TBC1D30: variants seen among roughly 807,000 people sequenced by gnomAD.
The protein encoded by TBC1D30 is TBC1 domain family member 30.
TBC1D30 carries 31 observed loss-of-function variants against 63.2 expected under a neutral mutation model. The ratio of observed to expected loss-of-function variants is 0.49; its 90% CI spans 0.37 to 0.66. TBC1D30 has a LOEUF of 0.66. Among genes scored for constraint, TBC1D30 ranks in the 30% least tolerant of loss-of-function variants. TBC1D30 has a pLI of 0.00. For synonymous variants in TBC1D30, 307 were observed against 361.5 expected, an observed-to-expected ratio of 0.85 and a Z score of 1.71; for missense variants, 810 against 953.6, an observed-to-expected ratio of 0.85 and a Z score of 1.98.
At chr12:64,802,448 C>T (rs977423646) in intron 2 of TBC1D30, among the ~76,000 whole-genome samples, 21 of 152,094 alleles carry the variant, frequency 1.4e-4, no homozygotes, top group African/African-American at 4.8e-4. Context: ...GACGACTCTT[C>T]CTGCCCTGTT....
rs746992553 is a variant in TBC1D30, at chr12:64,836,645, C to G, written c.750C>G (p.Asn250Lys). The G allele has an allele frequency of 4.8e-5, 73 of 1,533,782 alleles. No individual in the cohort carries two copies. The Admixed American group carries it at 6.1e-4, about 13-fold the overall frequency. Reference protein sequence around the residue: ...QHLDTLQRTANKESGGGYEPP... With the variant: ...QHLDTLQRTAKKESGGGYEPP... Reference sequence around the variant, plus strand: ...TGGATACTCTTCAGAGAACTGCAAACAAAGAAAGTGGAGGTAGGTTTCAAT... The same window carrying G: ...TGGATACTCTTCAGAGAACTGCAAAGAAAGAAAGTGGAGGTAGGTTTCAAT... Residue 250 changes from asparagine to lysine, a missense_variant, in exon 6 of 12, where the codon AAC (asparagine) becomes AAG (lysine). Physicochemically the swap from Asn to Lys is moderately conservative, Grantham distance 94 (BLOSUM62 0). Around this residue, in one of 4 missense-constraint regions of TBC1D30, gnomAD observed 272 missense variants for 335.9 expected, o/e 0.81. Coordinates refer to ENST00000539867, the MANE Select transcript of TBC1D30 (RefSeq NM_015279.2).
chr12:64,775,859 AAATCAGTGACAT>A (rs1213461861), upstream of TBC1D30, among the ~76,000 whole-genome samples: 1 of 152,238 alleles, frequency 6.6e-6, no homozygotes, highest in African/African-American at 2.4e-5. Context: ...ACTTACTGTA[AAATCAGTGACAT>A]AATCAGAAGT....
intron 2 of TBC1D30, 86 bp downstream of exon 2, chr12:64,827,982 C>A: frequency 2.2e-6 from 2 of 913,850 alleles, no homozygotes; most frequent in Non-Finnish European, 3.3e-6. Flanking sequence ...ATAACGTATT[C>A]TTTGATATGA....
intron 2 of TBC1D30, among the ~76,000 whole-genome samples, chr12:64,816,657 C>A (rs1321285745): frequency 6.6e-6 from 1 of 152,200 alleles, no homozygotes; most frequent in Non-Finnish European, 1.5e-5. Context: ...GGGCTTGCAG[C>A]CTTTGCCTGA....
intron 2 of TBC1D30, among the ~76,000 whole-genome samples, chr12:64,801,972 C>T (rs1026634709): frequency 1.3e-5 from 2 of 151,512 alleles, no homozygotes; most frequent in Non-Finnish European, 2.9e-5. Context: ...TTTTTACTTT[C>T]AGTGGATTAT....
At position 64,838,825 on chromosome 12, in the gene TBC1D30, G is replaced by A. The variant is rs535898827; in HGVS notation, c.906G>A (p.Ser302=). The change falls in exon 7 of 12, where the codon TCG becomes TCA. Residue 302 remains serine, a synonymous_variant. Transcript: ENST00000539867. ...GTTCAGAAATCATCCTAAGGGTGTC[G>A]CTGGCTATCTGGGCAAAATTAGGAG... The part of the protein sequence containing the change: ...FEGSEIILRV[S]LAIWAKLGEQ... 1.6e-5 allele frequency: 24 copies of A among 1,535,910 alleles called. No homozygotes were observed. Among genetic ancestry groups the A allele is most frequent in the African/African-American group, 1.1e-4 (8 of 73,024 alleles).
At chr12:64,768,077 G>A (rs1401822238) in intron 1 of TBC1D30, among the ~76,000 whole-genome samples, 1 of 152,046 alleles carries the variant, frequency 6.6e-6, no homozygotes, top group Non-Finnish European at 1.5e-5. Context: ...TAACAGGCAG[G>A]GCTGACTACA....
upstream of TBC1D30, among the ~76,000 whole-genome samples, chr12:64,823,348 CAACTT>C (rs1403183971): frequency 1.3e-5 from 2 of 152,142 alleles, no homozygotes; most frequent in African/African-American, 2.4e-5. Context: ...TGTTCTATGT[CAACTT>C]AAGAGAGAAT....
At chr12:64,770,342 A>G (rs372162611) in intron 1 of TBC1D30, among the ~76,000 whole-genome samples, 83 of 152,094 alleles carry the variant, frequency 5.5e-4, no homozygotes, top group African/African-American at 1.9e-3. Context: ...TTTCTGTCCC[A>G]TCTCTCAAGC....
intron 2 of TBC1D30, among the ~76,000 whole-genome samples, chr12:64,790,567 C>T (rs1871860419): frequency 6.6e-6 from 1 of 151,916 alleles, no homozygotes; most frequent in Admixed American, 6.6e-5. Context: ...AAAACATGAA[C>T]AAAATGTGAA....
intron 1 of TBC1D30, among the ~76,000 whole-genome samples, chr12:64,773,163 C>T (rs1231821323): frequency 1.3e-5 from 2 of 152,202 alleles, no homozygotes; most frequent in Admixed American, 6.5e-5. Context: ...AGAGTCCAAA[C>T]CAACTGAGGG....
At chr12:64,828,675 C>G (rs1354813775) in intron 3 of TBC1D30, among the ~76,000 whole-genome samples, 166 bp downstream of exon 3, 1 of 152,072 alleles carries the variant, frequency 6.6e-6, no homozygotes, top group East Asian at 1.9e-4. Flanking sequence ...AAGTAATGTT[C>G]TAGGTTCTAG....
chr12:64,844,681 C>T (rs2136407063), intron 8 of TBC1D30, among the ~76,000 whole-genome samples: 1 of 152,324 alleles, frequency 6.6e-6, no homozygotes, highest in Middle Eastern at 3.4e-3. Context: ...ACTACTCTTC[C>T]CAGCCTCTGG....
intron 2 of TBC1D30, among the ~76,000 whole-genome samples, chr12:64,819,335 T>C (rs1392626973): frequency 1.3e-5 from 2 of 151,844 alleles, no homozygotes; most frequent in African/African-American, 2.4e-5. Context: ...TTCATCTCTG[T>C]CATGAGGGGG....
chr12:64,807,193 C>CGAT (rs1472831422), intron 2 of TBC1D30, among the ~76,000 whole-genome samples: 1 of 152,182 alleles, frequency 6.6e-6, no homozygotes, highest in East Asian at 1.9e-4. Flanking sequence ...TCACAAGATC[C>CGAT]GATGGCTTTA....
At chr12:64,794,310 C>T (rs1565644821) in intron 2 of TBC1D30, among the ~76,000 whole-genome samples, 1 of 152,270 alleles carries the variant, frequency 6.6e-6, no homozygotes, top group East Asian at 1.9e-4. Flanking sequence ...CAACTTTTGT[C>T]ATTCAGTTCT....
chr12:64,791,612 C>T (rs541106803), intron 2 of TBC1D30, among the ~76,000 whole-genome samples: 2 of 152,020 alleles, frequency 1.3e-5, no homozygotes, highest in East Asian at 3.9e-4. Flanking sequence ...CCTCCTGGGC[C>T]CAAGTGATTC....
At chr12:64,777,972 G>GC (rs1871131495), upstream of TBC1D30, among the ~76,000 whole-genome samples, 1 of 152,148 alleles carries the variant, frequency 6.6e-6, no homozygotes, top group Admixed American at 6.5e-5. Context: ...ATGTTGGCCA[G>GC]GCTGTTCTCA....
chr12:64,864,233 A>G (rs527787401), intron 8 of TBC1D30, among the ~76,000 whole-genome samples: 63 of 152,322 alleles, frequency 4.1e-4, no homozygotes, highest in African/African-American at 1.4e-3. Context: ...ACTAGATTTA[A>G]TTTTATCCAG....
Sources: allele counts gnomAD v4.1 joint callset (sites outside exome capture counted in the v4.1 genomes callset), GRCh38; gene constraint gnomAD v4.1.1; regional missense constraint gnomAD v4.1.1; transcripts MANE v1.5; gene names NCBI Gene and HGNC (gene_info 2026-07-23, HGNC 2026-07-21).